WIPF3: variants seen among roughly 807,000 people sequenced by gnomAD.
WIPF3 encodes the protein WAS/WASL-interacting protein family member 3.
In WIPF3, 33 loss-of-function variants were observed where a neutral mutation model predicts 38.9. The ratio of observed to expected loss-of-function variants is 0.85; its 90% CI spans 0.64 to 1.14. The LOEUF (loss-of-function observed/expected upper bound fraction) is 1.14, where lower values mean the gene tolerates loss of function less well. Among genes scored for constraint, WIPF3 ranks in the 50% most tolerant of loss-of-function variants. The pLI is 0.00. For missense variants in WIPF3, 711 were observed against 652.5 expected (o/e 1.09, Z -0.98); for synonymous variants, 324 against 269.3 (o/e 1.20, Z -1.99).
intron 7 of WIPF3, among the ~76,000 whole-genome samples, chr7:29,898,367 C>G (rs1786199281): frequency 6.6e-6 from 1 of 152,118 alleles, no homozygotes; most frequent in South Asian, 2.1e-4. Flanking sequence ...ATCTCTCTTA[C>G]CTCCTCTGCC....
chr7:29,841,833 A>G (rs923089737), intron 2 of WIPF3, among the ~76,000 whole-genome samples: 11 of 152,170 alleles, frequency 7.2e-5, no homozygotes, highest in African/African-American at 2.4e-4. Context: ...ATCCAATATC[A>G]ATGTCAAAAT....
intron 2 of WIPF3, among the ~76,000 whole-genome samples, chr7:29,835,939 G>A (rs1399689466): frequency 2.6e-5 from 4 of 152,100 alleles, no homozygotes; most frequent in African/African-American, 7.2e-5. Flanking sequence ...GAGAGCCTGC[G>A]GCCCCTGCTG....
chr7:29,883,068 C>T (rs992589400), intron 4 of WIPF3, among the ~76,000 whole-genome samples: 1 of 152,200 alleles, frequency 6.6e-6, no homozygotes, highest in African/African-American at 2.4e-5. Context: ...GGGACGTGCT[C>T]CACCTGAGTC....
At chr7:29,868,594 T>C (rs538423851) in intron 2 of WIPF3, among the ~76,000 whole-genome samples, 1 of 151,856 alleles carries the variant, frequency 6.6e-6, no homozygotes, top group East Asian at 1.9e-4. Context: ...TATACACACA[T>C]ATATACAGTG....
At chr7:29,863,279 A>G (rs1000202566) in intron 2 of WIPF3, among the ~76,000 whole-genome samples, 22 of 152,118 alleles carry the variant, frequency 1.4e-4, no homozygotes, top group African/African-American at 5.3e-4. Context: ...TTCCTTTATT[A>G]TCATTATTAT....
chr7:29,852,548 A>G (rs532407238), intron 2 of WIPF3, among the ~76,000 whole-genome samples: 12 of 152,352 alleles, frequency 7.9e-5, no homozygotes, highest in African/African-American at 2.9e-4. Context: ...GCCAGACACC[A>G]AGAGAATCAA....
intron 7 of WIPF3, among the ~76,000 whole-genome samples, chr7:29,898,821 T>C (rs1786213349): frequency 6.6e-6 from 1 of 152,246 alleles, no homozygotes; most frequent in African/African-American, 2.4e-5. Context: ...AACTATTTTT[T>C]ACAAAATTTA....
intron 2 of WIPF3, among the ~76,000 whole-genome samples, chr7:29,852,903 C>T (rs1785126249): frequency 6.6e-6 from 1 of 152,228 alleles, no homozygotes; most frequent in African/African-American, 2.4e-5. Context: ...TAGTAATCCT[C>T]TAACATTTTG....
intron 2 of WIPF3, among the ~76,000 whole-genome samples, chr7:29,869,581 A>G (rs1345830169): frequency 6.6e-6 from 1 of 152,142 alleles, no homozygotes; most frequent in Non-Finnish European, 1.5e-5. Context: ...ATTGCTAGTT[A>G]TGGGGTAGTT....
At chr7:29,841,124 AGTGGCATAAGC>A (rs1784905842) in intron 2 of WIPF3, among the ~76,000 whole-genome samples, 1 of 152,212 alleles carries the variant, frequency 6.6e-6, no homozygotes, top group African/African-American at 2.4e-5. Flanking sequence ...AGCCTTTGTC[AGTGGCATAAGC>A]CAGCATGTCA....
chr7:29,834,656 T>C lies in WIPF3; in HGVS notation c.-57-12T>C. 7.2e-7 allele frequency: 1 copy of C among 1,387,206 alleles called. No homozygotes were observed. The highest frequency in any genetic ancestry group is 9.4e-7 in the Non-Finnish European group (1 of 1,067,536). The allele number at this position is 1,387,206 out of a possible 1,614,324, so 85.9% of individuals were successfully genotyped here. A position where few individuals can be genotyped will look rare whatever the true frequency, so the allele number is the denominator to read the frequency against. On this transcript the variant is annotated splice_polypyrimidine_tract_variant and intron_variant, in intron 1 of 8. Transcript: ENST00000242140. The stretch of plus-strand genomic sequence containing the variant: ...AATCCAAGTTTAAATCCATTCTTTT[T>C]CTCTTTTTCAGAGCAGAAGCCACTC...
intron 2 of WIPF3, among the ~76,000 whole-genome samples, chr7:29,849,755 A>G (rs1036554227): frequency 6.6e-6 from 1 of 152,372 alleles, no homozygotes; most frequent in Middle Eastern, 3.4e-3. Context: ...ATATATACAT[A>G]TTTGTTAAAG....
chr7:29,848,326 GC>G (rs1379592106), intron 2 of WIPF3, among the ~76,000 whole-genome samples: 30 of 152,202 alleles, frequency 2.0e-4, no homozygotes, highest in Non-Finnish European at 7.3e-5. Context: ...TTTCTAAGCT[GC>G]CGTTGGTTCG....
intron 2 of WIPF3, among the ~76,000 whole-genome samples, chr7:29,854,662 C>T (rs1785160021): frequency 6.6e-6 from 1 of 152,128 alleles, no homozygotes; most frequent in African/African-American, 2.4e-5. Context: ...GTCAGAGGCA[C>T]CCAGTAGAGG....
chr7:29,866,137 C>T (rs752453999), intron 2 of WIPF3, among the ~76,000 whole-genome samples: 22 of 151,966 alleles, frequency 1.4e-4, no homozygotes, highest in Non-Finnish European at 1.3e-4. Context: ...CCAGCCTGCG[C>T]GACAGAGCAA....
chr7:29,830,119 A>G (rs1316925235), intron 1 of WIPF3, among the ~76,000 whole-genome samples: 3 of 151,608 alleles, frequency 2.0e-5, no homozygotes, highest in South Asian at 4.2e-4. Flanking sequence ...AAAGCCTTTC[A>G]CAGCCATCAA....
intron 1 of WIPF3, among the ~76,000 whole-genome samples, chr7:29,826,502 T>C (rs917160939): frequency 8.5e-5 from 13 of 152,212 alleles, no homozygotes; most frequent in African/African-American, 3.1e-4. Flanking sequence ...AAACTGGAGA[T>C]GAGTTCAGAG....
chr7:29,896,974 C>G (rs1392568578), intron 7 of WIPF3, among the ~76,000 whole-genome samples: 1 of 152,172 alleles, frequency 6.6e-6, no homozygotes, highest in Admixed American at 6.5e-5. Flanking sequence ...TATCCCAAGT[C>G]CTGAACAACT....
intron 2 of WIPF3, among the ~76,000 whole-genome samples, chr7:29,856,713 A>ACCTTATTTATTCTTATTTATTTGTTT (rs1562778833): frequency 6.6e-6 from 1 of 152,206 alleles, no homozygotes; most frequent in Non-Finnish European, 1.5e-5. Context: ...TTATTTGTTT[A>ACCTTATTTATTCTTATTTATTTGTTT]TATTGATTTT....
Sources: allele counts gnomAD v4.1 joint callset (sites outside exome capture counted in the v4.1 genomes callset), GRCh38; gene constraint gnomAD v4.1.1; transcripts MANE v1.5; gene names NCBI Gene and HGNC (gene_info 2026-07-23, HGNC 2026-07-21).